MACROD2: variants seen among roughly 807,000 people sequenced by gnomAD.
MACROD2 encodes mono-ADP ribosylhydrolase 2.
Under a neutral mutation model 70.4 loss-of-function variants are expected in MACROD2, and 36 were observed. That is an observed-to-expected ratio of 0.51 (90% confidence interval 0.39 to 0.68). The LOEUF is 0.68. MACROD2 is among the 30% of genes least tolerant of loss of function. The pLI is 0.00. For missense variants in MACROD2, 496 were observed against 538.4 expected, an observed-to-expected ratio of 0.92 and a Z score of 0.78; for synonymous variants, 172 against 178.8, an observed-to-expected ratio of 0.96 and a Z score of 0.30.
intron 3 of MACROD2, among the ~76,000 whole-genome samples, chr20:14,135,841 G>A (rs576154309): frequency 2.0e-5 from 3 of 152,264 alleles, no homozygotes; most frequent in African/African-American, 7.2e-5. Context: ...AATGCAAATT[G>A]GAAGGGAACT....
intron 3 of MACROD2, among the ~76,000 whole-genome samples, chr20:14,399,784 T>A (rs2083618546): frequency 6.6e-6 from 1 of 152,196 alleles, no homozygotes; most frequent in Admixed American, 6.5e-5. Flanking sequence ...CTCTTCTCTG[T>A]TTTATTTTGG....
At chr20:14,228,447 C>T (rs1307700865) in intron 3 of MACROD2, among the ~76,000 whole-genome samples, 1 of 151,620 alleles carries the variant, frequency 6.6e-6, no homozygotes, top group Non-Finnish European at 1.5e-5. Context: ...ACGCCATTCT[C>T]CTGCCTCAGC....
intron 3 of MACROD2, among the ~76,000 whole-genome samples, chr20:14,273,791 A>G (rs974671554): frequency 6.6e-5 from 10 of 150,892 alleles, no homozygotes; most frequent in African/African-American, 2.0e-4. Flanking sequence ...AAATAGATGC[A>G]ATAAAAAATG....
At chr20:15,453,125 C>T (rs1003765317) in intron 7 of MACROD2, among the ~76,000 whole-genome samples, 14 of 152,084 alleles carry the variant, frequency 9.2e-5, no homozygotes, top group Admixed American at 8.5e-4. Context: ...TTCAGAGGCA[C>T]ATAATTTGGT....
chr20:14,665,143 T>C (rs546997609), intron 4 of MACROD2, among the ~76,000 whole-genome samples: 154 of 152,266 alleles, frequency 1.0e-3, no homozygotes, highest in Admixed American at 2.2e-3. Context: ...CTGTATCTTC[T>C]TTCTGTTTCT....
chr20:15,199,685 A>G (rs2076639003), intron 5 of MACROD2, among the ~76,000 whole-genome samples: 1 of 148,892 alleles, frequency 6.7e-6, no homozygotes, highest in African/African-American at 2.5e-5. Context: ...TACATTATTC[A>G]TTTGTCATAT....
chr20:15,540,175 T>A (rs1353766718), intron 8 of MACROD2, among the ~76,000 whole-genome samples: 1 of 152,132 alleles, frequency 6.6e-6, no homozygotes, highest in African/African-American at 2.4e-5. Context: ...GCTGGGTGCA[T>A]GAACTAAAAT....
intron 4 of MACROD2, among the ~76,000 whole-genome samples, chr20:14,533,170 A>G (rs1435602528): frequency 6.6e-6 from 1 of 152,234 alleles, no homozygotes; most frequent in East Asian, 1.9e-4. Context: ...CTTTAACCTT[A>G]TAAGGAAAGT....
chr20:15,780,697 G>A (rs1371123261), intron 8 of MACROD2, among the ~76,000 whole-genome samples: 1 of 152,096 alleles, frequency 6.6e-6, no homozygotes, highest in South Asian at 2.1e-4. Context: ...TCATTGGGAG[G>A]CTTCTGTAGT....
At chr20:15,857,842 G>A (rs192879993) in intron 8 of MACROD2, among the ~76,000 whole-genome samples, 3 of 152,280 alleles carry the variant, frequency 2.0e-5, no homozygotes, top group Admixed American at 1.3e-4. Context: ...TGGCTTGTCC[G>A]ATGTCACAGA....
intron 5 of MACROD2, among the ~76,000 whole-genome samples, chr20:15,199,170 A>C (rs1421679099): frequency 6.6e-6 from 1 of 152,032 alleles, no homozygotes; most frequent in Non-Finnish European, 1.5e-5. Context: ...CAACCCGGCC[A>C]ATATAGAGAC....
intron 9 of MACROD2, among the ~76,000 whole-genome samples, chr20:15,876,382 C>G (rs920222474): frequency 2.0e-5 from 3 of 151,792 alleles, no homozygotes; most frequent in African/African-American, 4.8e-5. Context: ...TTTGTCCTTG[C>G]GATAGTTTGC....
chr20:14,464,439 G>A (rs1467647037), intron 3 of MACROD2, among the ~76,000 whole-genome samples: 1 of 151,856 alleles, frequency 6.6e-6, no homozygotes, highest in Non-Finnish European at 1.5e-5. Context: ...TTCTTTATGA[G>A]TCTTGCTAGC....
At chr20:14,262,673 G>T (rs2082110488) in intron 3 of MACROD2, among the ~76,000 whole-genome samples, 1 of 152,170 alleles carries the variant, frequency 6.6e-6, no homozygotes, top group Non-Finnish European at 1.5e-5. Context: ...CTAAAAGGGA[G>T]AGGTAGGAGA....
At chr20:15,362,575 G>T (rs1215623986) in intron 6 of MACROD2, among the ~76,000 whole-genome samples, 1 of 151,686 alleles carries the variant, frequency 6.6e-6, no homozygotes, top group Non-Finnish European at 1.5e-5. Flanking sequence ...CTATTAACAT[G>T]GTGATTACAC....
intron 8 of MACROD2, among the ~76,000 whole-genome samples, chr20:15,856,186 A>G (rs966087050): frequency 6.6e-6 from 1 of 152,206 alleles, no homozygotes; most frequent in African/African-American, 2.4e-5. Flanking sequence ...TTTGTCTTAT[A>G]TCAAGTATAA....
intron 5 of MACROD2, among the ~76,000 whole-genome samples, chr20:14,914,291 G>C (rs1202108728): frequency 2.6e-5 from 4 of 152,150 alleles, no homozygotes; most frequent in Admixed American, 2.6e-4. Flanking sequence ...TTAAGCGGGA[G>C]GGAGGTGAGC....
chr20:15,416,287 C>G (rs1286328078), intron 6 of MACROD2, among the ~76,000 whole-genome samples: 1 of 152,092 alleles, frequency 6.6e-6, no homozygotes, highest in Non-Finnish European at 1.5e-5. Context: ...CTTTTCTTTT[C>G]TTGCTTTCTT....
chr20:14,158,525 T>C (rs550856472), intron 3 of MACROD2, among the ~76,000 whole-genome samples: 1 of 152,298 alleles, frequency 6.6e-6, no homozygotes, highest in African/African-American at 2.4e-5. Context: ...CTGAAGTATT[T>C]TCCTTATGTT....
Sources: gnomAD v4.1 joint callset for allele counts (sites outside exome capture counted in the v4.1 genomes callset) on GRCh38, gnomAD v4.1.1 for gene constraint, MANE v1.5 for transcripts, NCBI Gene and HGNC (gene_info 2026-07-23, HGNC 2026-07-21) for gene names.